The following TYW5 variants were observed in gnomAD, a reference collection of about 807,000 sequenced individuals.
TYW5 encodes the protein tRNA-yW synthesizing protein 5, also known as tRNA wybutosine-synthesizing protein 5.
In TYW5, 36 loss-of-function variants were observed where a neutral mutation model predicts 44.4. That is an observed-to-expected ratio of 0.81 (90% CI 0.62 to 1.07). TYW5 has a LOEUF of 1.07. Among genes scored for constraint, TYW5 ranks in the 50% least tolerant of loss-of-function variants. The probability of loss-of-function intolerance (pLI) is 0.00; values close to 1 mark genes in which losing one functional copy is unlikely to be tolerated. For synonymous variants in TYW5, 121 were observed against 128.1 expected (o/e 0.94, Z 0.37); for missense variants, 354 against 365.7 (o/e 0.97, Z 0.26).
At position 199,935,968 on chromosome 2, in the gene TYW5, T is replaced by G. The variant is rs1260494402; in HGVS notation, c.654A>C (p.Glu218Asp). The change falls in exon 7 of 8, where the codon GAA becomes GAC. Residue 218 changes from glutamate to aspartate, a missense_variant. By Grantham distance (45) the Glu-to-Asp change is conservative. Transcript: ENST00000354611. ...ATACATCACCAGCTTCAAGGGAACA[T>G]TCATATCTTCTAGCCTTGGAAAAAA... The part of the protein sequence containing the change: ...YPLFSKARRY[E>D]CSLEAGDVLF... 3 of 1,612,918 alleles carry G rather than the reference T, an allele frequency of 1.9e-6. No individual in the cohort carries two copies. The Admixed American group carries it at 5.0e-5, about 27-fold the overall frequency.
chr2:199,938,118 G>A (rs563232388), intron 5 of TYW5, among the ~76,000 whole-genome samples: 1 of 151,470 alleles, frequency 6.6e-6, no homozygotes, highest in Non-Finnish European at 1.5e-5. Context: ...AGGCTGGAGT[G>A]CAACGGTGCG....
chr2:199,946,250 T>A, intron 2 of TYW5: 1 of 152,182 alleles, frequency 6.6e-6, no homozygotes, highest in African/African-American at 2.4e-5. Flanking sequence ...AAAGGACAGA[T>A]GGTGGGGTTA....
chr2:199,952,802 G>A (rs2077556439), intron 1 of TYW5, among the ~76,000 whole-genome samples: 2 of 152,160 alleles, frequency 1.3e-5, no homozygotes, highest in African/African-American at 4.8e-5. Flanking sequence ...GTATTGCCGA[G>A]TGTACTCACA....
At position 199,931,486 on chromosome 2, in the gene TYW5, G is replaced by A. The variant is rs1430637098; in HGVS notation, c.*1581C>T. On this transcript the variant is annotated 3_prime_UTR_variant, in exon 8 of 8. Transcript: ENST00000354611. ...TAATGTGTAAACTAAGGAGAGTTTT[G>A]TCTTTTTCCTTACTGAAGGACAAGG... is the stretch of plus-strand genomic sequence containing the variant. 1.3e-5 allele frequency: 2 copies of A among 152,074 alleles called. No homozygotes were observed. The highest frequency in any genetic ancestry group is 2.9e-5 in the Non-Finnish European group (2 of 67,976). The allele number at this position is 152,074 out of a possible 1,614,324, so 9.4% of individuals were successfully genotyped here. A position where few individuals can be genotyped will look rare whatever the true frequency, so the allele number is the denominator to read the frequency against.
rs752260188 is a variant in TYW5, at chr2:199,928,984, ATTTTG to A, written c.*4078_*4082del. ...AAAAGGTAGTATTCATAAAAGAGCT[ATTTTG>A]TTTTATTTCACTTGAAGTTCTTAAG... On this transcript the variant is annotated 3_prime_UTR_variant, in exon 8 of 8. Coordinates refer to ENST00000354611, the MANE Select transcript of TYW5 (RefSeq NM_001039693.3). 9.9e-5 allele frequency among the ~76,000 whole-genome samples: 15 copies of A among 152,208 alleles called. No individual in the cohort carries two copies. Among genetic ancestry groups the A allele is most frequent in the Admixed American group, 8.5e-4 (13 of 15,280 alleles).
intron 2 of TYW5, 112 bp from the exon 3 acceptor site, chr2:199,943,946 A>G (rs2077485092): frequency 3.0e-6 from 2 of 663,334 alleles, no homozygotes; most frequent in East Asian, 5.9e-5. Context: ...CCTGTTTTAT[A>G]ATATCTGTAA....
At chr2:199,950,729 C>A (rs1480667953) in intron 1 of TYW5, among the ~76,000 whole-genome samples, 1 of 152,100 alleles carries the variant, frequency 6.6e-6, no homozygotes. Context: ...TACCTTGTGC[C>A]CTGAGCTGCC....
At chr2:199,951,206 G>A (rs1474300553) in intron 1 of TYW5, among the ~76,000 whole-genome samples, 2 of 152,134 alleles carry the variant, frequency 1.3e-5, no homozygotes, top group Non-Finnish European at 2.9e-5. Flanking sequence ...GGTAAAACTG[G>A]TTTCATTATA....
In TYW5 at chr2:199,930,880, T is replaced by C. The variant is rs1241976951; in HGVS notation, c.*2187A>G. On this transcript the variant is annotated 3_prime_UTR_variant, in exon 8 of 8. Transcript: ENST00000354611. ...TTGGTTAGATGGCTTCTAAGATCTC[T>C]TTCAATAAAAAAGTTCTAAGATTCA... is the stretch of plus-strand genomic sequence containing the variant. 1 of 152,162 alleles carries C rather than the reference T, an allele frequency of 6.6e-6. No homozygotes were observed. Among genetic ancestry groups the C allele is most frequent in the African/African-American group, 2.4e-5 (1 of 41,442 alleles). 9.4% of individuals were successfully genotyped at this position (152,162 alleles called of 1,614,324 possible).
chr2:199,934,220 ACTTT>A (rs1226797181), intron 7 of TYW5, among the ~76,000 whole-genome samples: 1 of 152,106 alleles, frequency 6.6e-6, no homozygotes, highest in Non-Finnish European at 1.5e-5. Context: ...TCTTAACTAC[ACTTT>A]CTTTCAGAAT....
intron 1 of TYW5, among the ~76,000 whole-genome samples, chr2:199,951,739 G>A (rs1490508319): frequency 6.6e-6 from 1 of 151,888 alleles, no homozygotes; most frequent in African/African-American, 2.4e-5. Flanking sequence ...ATATATGGCT[G>A]GGTGCAGTGG....
In TYW5 at chr2:199,933,207, T is replaced by C; in HGVS notation, c.808A>G (p.Thr270Ala). The C allele has an allele frequency of 6.2e-7, 1 of 1,614,190 alleles. No individual in the cohort carries two copies. Among genetic ancestry groups the C allele is most frequent in the Middle Eastern group, 1.6e-4 (1 of 6,062 alleles). The part of the protein sequence containing the change: ...KTDTYGNKDP[T>A]AASRAAQILD... ...ATTTGTGCAGCTCTTGATGCTGCTG[T>C]AGGATCTTTGTTTCCATAGGTATCT... Residue 270 changes from threonine (T) to alanine (A), a missense_variant, in exon 8 of 8, where the codon ACA becomes GCA. By Grantham distance (58) the Thr-to-Ala change is moderately conservative. Coordinates refer to ENST00000354611, the MANE Select transcript of TYW5 (RefSeq NM_001039693.3).
intron 1 of TYW5, among the ~76,000 whole-genome samples, chr2:199,950,574 C>G (rs2077536732): frequency 6.6e-6 from 1 of 152,166 alleles, no homozygotes; most frequent in Non-Finnish European, 1.5e-5. Context: ...CCCACAACCC[C>G]AAGATGTGCA....
Position 199,943,685 on chromosome 2 carries a change from T to A in TYW5, c.303+80A>T. On this transcript the variant is annotated intron_variant, in intron 3 of 7. Transcript: ENST00000354611. The stretch of plus-strand genomic sequence containing the variant: ...ATCAGAGACGGCTGTTGCTCTTGTG[T>A]ATCTACTATTCTTTCATAAGAAAAT... The A allele has an allele frequency of 1.8e-6, 2 of 1,117,218 alleles. 1 individual carries two copies. Among genetic ancestry groups the A allele is most frequent in the South Asian group, 2.8e-5 (2 of 71,456 alleles). 69.2% of individuals were successfully genotyped at this position (1,117,218 alleles called of 1,614,324 possible). A position where few individuals can be genotyped will look rare whatever the true frequency, so the allele number is the denominator to read the frequency against.
chr2:199,948,643 A>G (rs2077521268), intron 1 of TYW5, among the ~76,000 whole-genome samples, 171 bp from the exon 2 acceptor site: 1 of 152,252 alleles, frequency 6.6e-6, no homozygotes, highest in Admixed American at 6.5e-5. Context: ...AAGAGGGGCC[A>G]TATGAAATAT....
intron 7 of TYW5, among the ~76,000 whole-genome samples, chr2:199,935,172 G>A (rs561643043): frequency 2.0e-5 from 3 of 151,620 alleles, no homozygotes; most frequent in Admixed American, 6.6e-5. Flanking sequence ...TTTAGAAAAC[G>A]AACAAGTATA....
intron 1 of TYW5, among the ~76,000 whole-genome samples, chr2:199,949,784 C>T (rs192098804): frequency 1.3e-5 from 2 of 152,314 alleles, no homozygotes; most frequent in East Asian, 1.9e-4. Context: ...TTTTTCTAAA[C>T]TCCATCATTT....
intron 2 of TYW5, 48 bp from the exon 3 acceptor site, chr2:199,943,882 C>T (rs1485450981): frequency 7.0e-7 from 1 of 1,427,254 alleles, no homozygotes; most frequent in Non-Finnish European, 9.7e-7. Context: ...AACAGATCAA[C>T]TAGTAAGAAT....
At chr2:199,935,112 A>C (rs1337853630) in intron 7 of TYW5, among the ~76,000 whole-genome samples, 1 of 152,092 alleles carries the variant, frequency 6.6e-6, no homozygotes, top group Non-Finnish European at 1.5e-5. Flanking sequence ...CCAAATATAA[A>C]GTGTCTTACT....
Sources: gnomAD v4.1 joint callset for allele counts (sites outside exome capture counted in the v4.1 genomes callset) on GRCh38, gnomAD v4.1.1 for gene constraint, MANE v1.5 for transcripts, NCBI Gene and HGNC (gene_info 2026-07-23, HGNC 2026-07-21) for gene names.